Variants in KANK1 observed in about 807,000 individuals in gnomAD.
KANK1 encodes KN motif and ankyrin repeat domain-containing protein 1.
KANK1 carries 109 observed loss-of-function variants against 106.2 expected under a neutral mutation model. That is an observed-to-expected ratio of 1.03 (90% confidence interval 0.88 to 1.20). The LOEUF is 1.20. Ranked by LOEUF, KANK1 falls within the 50% of genes most tolerant of loss-of-function variation. The pLI is 0.00. For synonymous variants in KANK1, 873 were observed against 652.2 expected, an observed-to-expected ratio of 1.34 and a Z score of -5.16; for missense variants, 2,399 against 1,710.7, an observed-to-expected ratio of 1.40 and a Z score of -7.10.
intron 1 of KANK1, among the ~76,000 whole-genome samples, chr9:512,230 A>AT (rs139790781): frequency 7.3e-6 from 1 of 136,896 alleles, no homozygotes; most frequent in African/African-American, 3.1e-5. Context: ...CATAACCAAT[A>AT]GTGTGTGTGT....
chr9:684,968 G>A lies in KANK1; in HGVS notation c.37+7959G>A, dbSNP rs186854585. 3.2e-3 allele frequency among the ~76,000 whole-genome samples: 493 copies of A among 152,146 alleles called. 1 individual carries two copies. The highest frequency in any genetic ancestry group is 0.012 in the African/African-American group (481 of 41,478). ...TAAAACCTTTAAGGAGACCCATCCA[G>A]GAAATCAGATTTTATAAGATTCATT... is the stretch of plus-strand genomic sequence containing the variant. On this transcript the variant is annotated intron_variant, in intron 2 of 11. Transcript: ENST00000382297.
At chr9:560,350 G>C (rs1816063743) in intron 1 of KANK1, among the ~76,000 whole-genome samples, 1 of 152,204 alleles carries the variant, frequency 6.6e-6, no homozygotes, top group Non-Finnish European at 1.5e-5. Context: ...GTTGCAGGTT[G>C]ATTAACTGTT....
chr9:612,009 C>T lies in KANK1; in HGVS notation c.-83-64881C>T, dbSNP rs990566704. On this transcript the variant is annotated intron_variant, in intron 1 of 11. Coordinates refer to ENST00000382297, the MANE Select transcript of KANK1 (RefSeq NM_015158.5). ...CTGGGATTACAGGCGTGAGCCACCG[C>T]GCCCGGCCGACCATCTAACTCTTAT... is the stretch of plus-strand genomic sequence containing the variant. 4.6e-5 allele frequency among the ~76,000 whole-genome samples: 7 copies of T among 152,316 alleles called. 1 individual carries two copies. The South Asian group carries it at 1.2e-3, about 27-fold the overall frequency.
At chr9:546,332 G>A (rs1192186789) in intron 1 of KANK1, among the ~76,000 whole-genome samples, 1 of 151,984 alleles carries the variant, frequency 6.6e-6, no homozygotes, top group Non-Finnish European at 1.5e-5. Context: ...GTCATCTAGT[G>A]TGTAAAGGCC....
chr9:546,899 C>G (rs2060966335), intron 1 of KANK1, among the ~76,000 whole-genome samples: 1 of 152,094 alleles, frequency 6.6e-6, no homozygotes, highest in Admixed American at 6.5e-5. Context: ...AGGAAGTATT[C>G]CTTGTCTTTG....
intron 1 of KANK1, among the ~76,000 whole-genome samples, chr9:534,029 A>G (rs1038713829): frequency 1.3e-5 from 2 of 152,284 alleles, no homozygotes; most frequent in East Asian, 3.9e-4. Flanking sequence ...ATTTTTATTC[A>G]CAGGGATGAA....
chr9:506,624 A>G (rs1247796672), intron 1 of KANK1, among the ~76,000 whole-genome samples: 2 of 152,228 alleles, frequency 1.3e-5, no homozygotes. Context: ...TAAAATATCC[A>G]AACTGGCCCC....
At chr9:511,675 A>C (rs1282738466) in intron 1 of KANK1, among the ~76,000 whole-genome samples, 1 of 152,226 alleles carries the variant, frequency 6.6e-6, no homozygotes, top group African/African-American at 2.4e-5. Context: ...TCTGAATTAT[A>C]GAATTTCTAA....
intron 1 of KANK1, among the ~76,000 whole-genome samples, chr9:561,272 A>C (rs948604536): frequency 1.3e-5 from 2 of 152,226 alleles, no homozygotes; most frequent in Non-Finnish European, 2.9e-5. Flanking sequence ...TTGTAAACAC[A>C]CATAAAATGG....
chr9:699,267 C>T (rs935663803), intron 2 of KANK1, among the ~76,000 whole-genome samples: 3 of 152,232 alleles, frequency 2.0e-5, no homozygotes, highest in Admixed American at 2.0e-4. Flanking sequence ...TCCTCCTATA[C>T]TTCGTAAGTT....
intron 2 of KANK1, chr9:471,648 A>T (rs1187246185): frequency 1.3e-5 from 2 of 152,162 alleles, no homozygotes; most frequent in African/African-American, 4.8e-5. Flanking sequence ...CACCCCTGCA[A>T]TCCCAGGGTT....
intron 1 of KANK1, among the ~76,000 whole-genome samples, chr9:667,575 T>A (rs1450208536): frequency 6.6e-6 from 1 of 152,076 alleles, no homozygotes; most frequent in African/African-American, 2.4e-5. Flanking sequence ...TAAACCTCCC[T>A]CTTAGTACTG....
chr9:512,742 C>T (rs1009987205), intron 1 of KANK1, among the ~76,000 whole-genome samples: 1 of 152,084 alleles, frequency 6.6e-6, no homozygotes, highest in Non-Finnish European at 1.5e-5. Flanking sequence ...AAAGAATTTG[C>T]AGTATAAAAT....
chr9:710,738 C>G, intron 2 of KANK1, 66 bp from the exon 3 acceptor site: 11 of 1,441,418 alleles, frequency 7.6e-6, no homozygotes, highest in Non-Finnish European at 1.0e-5. Context: ...GCAACAAACA[C>G]AAATATTAGT....
chr9:713,552 A>G (rs1424925413), intron 3 of KANK1, 88 bp downstream of exon 3: 2 of 1,411,188 alleles, frequency 1.4e-6, no homozygotes, highest in African/African-American at 2.9e-5. Context: ...AACTGCTGGA[A>G]CCATTTTTGG....
chr9:670,571 GCC>G (rs1845645281), intron 1 of KANK1, among the ~76,000 whole-genome samples: 2 of 152,120 alleles, frequency 1.3e-5, no homozygotes, highest in African/African-American at 4.8e-5. Flanking sequence ...AGGAGTTCAT[GCC>G]CAAGAGACCT....
intron 7 of KANK1, chr9:735,883 T>C: frequency 4.0e-6 from 1 of 252,894 alleles, no homozygotes; most frequent in Non-Finnish European, 8.7e-6. Context: ...TAATCCCAGT[T>C]ACTCGGGAGT....
At chr9:564,861 G>C (rs1313897822) in intron 1 of KANK1, among the ~76,000 whole-genome samples, 1 of 152,216 alleles carries the variant, frequency 6.6e-6, no homozygotes, top group African/African-American at 2.4e-5. Context: ...ATACAGTGTT[G>C]TTTTTGGCTT....
At chr9:644,547 G>A (rs1839228123) in intron 1 of KANK1, among the ~76,000 whole-genome samples, 1 of 150,764 alleles carries the variant, frequency 6.6e-6, no homozygotes, top group South Asian at 2.1e-4. Flanking sequence ...GCAGGAGGAA[G>A]AGAGAGGAGA....
Sources: gnomAD v4.1 joint callset for allele counts (sites outside exome capture counted in the v4.1 genomes callset) on GRCh38, gnomAD v4.1.1 for gene constraint, MANE v1.5 for transcripts, NCBI Gene and HGNC (gene_info 2026-07-23, HGNC 2026-07-21) for gene names.